Variants in CARS1 observed in about 807,000 individuals in gnomAD.
CARS1 encodes cysteinyl-tRNA synthetase 1.
CARS1 carries 48 observed loss-of-function variants against 106.2 expected under a neutral mutation model. The ratio of observed to expected loss-of-function variants is 0.45; its 90% CI spans 0.36 to 0.57. The LOEUF is 0.57. CARS1 is among the 20% of genes least tolerant of loss of function. The pLI, the probability that CARS1 is intolerant of heterozygous loss-of-function variation, is 0.00. For missense variants in CARS1, 968 were observed against 1,057.2 expected, an observed-to-expected ratio of 0.92 and a Z score of 1.17; for synonymous variants, 409 against 403.4, an observed-to-expected ratio of 1.01 and a Z score of -0.17.
chr11:3,030,419 C>T lies in CARS1; in HGVS notation c.802-976G>A, dbSNP rs1852604802. On this transcript the variant is annotated intron_variant, in intron 7 of 22. Transcript: ENST00000380525. The surrounding 1 kb of genome is among the most constrained non-coding windows in gnomAD (Gnocchi z 5.7). ...TCTGCAGGAATGAGCACACCCTCCC[C>T]ACCGCGGCAGGGCATCCAGTGGGCA... 1.3e-5 allele frequency: 2 copies of T among 152,238 alleles called. No individual in the cohort carries two copies. The highest frequency in any genetic ancestry group is 4.8e-5 in the African/African-American group (2 of 41,468). The allele number at this position is 152,238 out of a possible 1,614,324, so 9.4% of individuals were successfully genotyped here. A position where few individuals can be genotyped will look rare whatever the true frequency, so the allele number is the denominator to read the frequency against.
At chr11:3,035,058 C>T (rs1590461379) in intron 7 of CARS1, among the ~76,000 whole-genome samples, 2 of 152,200 alleles carry the variant, frequency 1.3e-5, no homozygotes, top group South Asian at 4.2e-4. Flanking sequence ...TGTGATAACC[C>T]ATTAATCCAT....
rs1055569905 is a variant in CARS1 at position 3,002,401 on chromosome 11, G to A, written c.2277+140C>T. On this transcript the variant is annotated intron_variant, in intron 21 of 22. Coordinates refer to ENST00000380525, the MANE Select transcript of CARS1 (RefSeq NM_001014437.3). ...AAGGGCCTGGCAGGCCTTGGGTGGT[G>A]GAGGCAGAAAGCGGAGCTCCTTCTG... The A allele has an allele frequency of 2.0e-6, 3 of 1,475,174 alleles. No homozygotes were observed. In the East Asian group the frequency reaches 6.8e-5, roughly 33 times the overall value. 91.4% of individuals were successfully genotyped at this position (1,475,174 alleles called of 1,614,324 possible).
In CARS1 at chr11:3,020,705, C is replaced by A. The variant is rs1851494044; in HGVS notation, c.1154-373G>T. 1.3e-5 allele frequency among the ~76,000 whole-genome samples: 2 copies of A among 152,276 alleles called. No homozygotes were observed. The highest frequency in any genetic ancestry group is 4.2e-4 in the South Asian group (2 of 4,818). ...CTAGGAGGTGACATAGTGGTGCAGC[C>A]ACTGGGGCATGGCTCAGGGATCCTG... On this transcript the variant is annotated intron_variant, in intron 10 of 22. Coordinates refer to ENST00000380525, the MANE Select transcript of CARS1 (RefSeq NM_001014437.3). This position sits in a 1 kb window ranked among gnomAD's most constrained non-coding sequence, Gnocchi z 4.6.
At position 3,057,380 on chromosome 11, in the gene CARS1, C is replaced by G; in HGVS notation, c.-13G>C. ...AGGAATCTGCCATGGCTGGGAATCC[C>G]GGACCCGCAGCTGCGGCTACAGACA... On this transcript the variant is annotated 5_prime_UTR_variant, in exon 1 of 23. Coordinates refer to ENST00000380525, the MANE Select transcript of CARS1 (RefSeq NM_001014437.3). The G allele has an allele frequency of 1.9e-6, 3 of 1,609,444 alleles. No homozygotes were observed. Among genetic ancestry groups the G allele is most frequent in the Non-Finnish European group, 1.7e-6 (2 of 1,178,188 alleles).
In CARS1 at chr11:3,022,549, C is replaced by G. The variant is rs1851662812; in HGVS notation, c.1154-2217G>C. On this transcript the variant is annotated intron_variant, in intron 10 of 22. Coordinates refer to ENST00000380525, the MANE Select transcript of CARS1 (RefSeq NM_001014437.3). The surrounding 1 kb of genome is among the most constrained non-coding windows in gnomAD (Gnocchi z 4.9). ...TACTGACTCGCTGTGCATTGGGCAA[C>G]AGACCTATTATGGTTACAACACAAT... Among the ~76,000 whole-genome samples, 1 of 152,236 alleles carries G rather than the reference C, an allele frequency of 6.6e-6. No homozygotes were observed. Among genetic ancestry groups the G allele is most frequent in the South Asian group, 2.1e-4 (1 of 4,836 alleles).
intron 16 of CARS1, 146 bp downstream of exon 16, chr11:3,016,960 G>T (rs943952454): frequency 2.1e-5 from 13 of 627,956 alleles, no homozygotes; most frequent in African/African-American, 1.8e-4. Flanking sequence ...AACCAAAGAG[G>T]ACAGAAGCAT....
rs763409945 is a variant in CARS1, at chr11:3,039,170, T to C, written c.651+24A>G. On this transcript the variant is annotated intron_variant, in intron 6 of 22. Coordinates refer to ENST00000380525, the MANE Select transcript of CARS1 (RefSeq NM_001014437.3). This position sits in a 1 kb window ranked among gnomAD's most constrained non-coding sequence, Gnocchi z 5.6. ...AACAGAAAGCAAAGGGCTCGGTTTC[T>C]AGAGCAGACAGCAAGAGGCCCACCT... is the stretch of plus-strand genomic sequence containing the variant. The C allele has an allele frequency of 1.1e-5, 17 of 1,505,810 alleles. No individual in the cohort carries two copies. The South Asian group carries it at 1.8e-4, about 16-fold the overall frequency. 93.3% of individuals were successfully genotyped at this position (1,505,810 alleles called of 1,614,324 possible).
rs1855046109 is a variant in CARS1 at position 3,046,083 on chromosome 11, T to G, written c.274+1670A>C. On this transcript the variant is annotated intron_variant, in intron 2 of 22. Transcript: ENST00000380525. The surrounding 1 kb of genome is among the most constrained non-coding windows in gnomAD (Gnocchi z 5.8). ...TGCGCAGCCTGGGTGATGAGGGGAT[T>G]TGGAACCTGGGGAGGGCACAGCAAC... Among the ~76,000 whole-genome samples the G allele has an allele frequency of 6.6e-6, 1 of 152,188 alleles. No homozygotes were observed. Among genetic ancestry groups the G allele is most frequent in the African/African-American group, 2.4e-5 (1 of 41,442 alleles).
Position 3,040,827 on chromosome 11 carries a change from T to C in CARS1, c.455+69A>G. Reference sequence around the variant, plus strand: ...CTTTGTGGACCTAAGATCGCTGCTGTGGATCCCAATGGCTCTGACTTCTGC... The same window carrying C: ...CTTTGTGGACCTAAGATCGCTGCTGCGGATCCCAATGGCTCTGACTTCTGC... On this transcript the variant is annotated intron_variant, in intron 4 of 22. Coordinates refer to ENST00000380525, the MANE Select transcript of CARS1 (RefSeq NM_001014437.3). This position sits in a 1 kb window ranked among gnomAD's most constrained non-coding sequence, Gnocchi z 5.8. 7 of 1,541,480 alleles carry C rather than the reference T, an allele frequency of 4.5e-6. No individual in the cohort carries two copies. Among genetic ancestry groups the C allele is most frequent in the Non-Finnish European group, 6.2e-6 (7 of 1,128,478 alleles).
At chr11:3,014,308 C>T (rs1253331429) in intron 17 of CARS1, among the ~76,000 whole-genome samples, 1 of 152,244 alleles carries the variant, frequency 6.6e-6, no homozygotes, top group Non-Finnish European at 1.5e-5. Flanking sequence ...GAGGAACTGC[C>T]TCCCTTGCTC....
rs389285 is a variant in CARS1 at position 3,041,443 on chromosome 11, G to A, written c.367-459C>T. Reference sequence around the variant, plus strand: ...CAACACTTGGCCAGGGTCAGTCCCTGTTGGGGGAGCGCGGCTTGGAGGCCA... The same window carrying A: ...CAACACTTGGCCAGGGTCAGTCCCTATTGGGGGAGCGCGGCTTGGAGGCCA... On this transcript the variant is annotated intron_variant, in intron 3 of 22. Transcript: ENST00000380525. The surrounding 1 kb of genome is among the most constrained non-coding windows in gnomAD (Gnocchi z 4.9). Among the ~76,000 whole-genome samples, 58,219 of 151,972 alleles carry A rather than the reference G, an allele frequency of 0.38. 11,463 individuals carry two copies. Among genetic ancestry groups the A allele is most frequent in the Non-Finnish European group, 0.4 (27,186 of 67,952 alleles).
intron 1 of CARS1, among the ~76,000 whole-genome samples, chr11:3,054,457 T>C (rs933233227): frequency 3.3e-5 from 5 of 152,200 alleles, no homozygotes; most frequent in African/African-American, 1.2e-4. Context: ...CCTGAGTTCA[T>C]AGAGGAGCAA....
chr11:3,000,988 T>C lies in CARS1; in HGVS notation c.*126A>G. On this transcript the variant is annotated 3_prime_UTR_variant, in exon 23 of 23. Transcript: ENST00000380525. The surrounding 1 kb of genome is among the most constrained non-coding windows in gnomAD (Gnocchi z 7.1). ...GAGCCAACGACGACACGAACCTACA[T>C]GAACACAACTCTTAATTTAGGACCC... 9.1e-7 allele frequency: 1 copy of C among 1,095,162 alleles called. No homozygotes were observed. Among genetic ancestry groups the C allele is most frequent in the Non-Finnish European group, 1.3e-6 (1 of 751,978 alleles). The allele number at this position is 1,095,162 out of a possible 1,614,324, so 67.8% of individuals were successfully genotyped here.
rs1854791145 is a variant in CARS1 at position 3,043,813 on chromosome 11, G to C, written c.275-1557C>G. Among the ~76,000 whole-genome samples, 1 of 152,164 alleles carries C rather than the reference G, an allele frequency of 6.6e-6. No homozygotes were observed. The highest frequency in any genetic ancestry group is 1.5e-5 in the Non-Finnish European group (1 of 68,036). ...GGAGGAAGGAGGGCGGCTGCACTGT[G>C]TCTGGGCAGTGGGGGTACTGTGGGC... On this transcript the variant is annotated intron_variant, in intron 2 of 22. Coordinates refer to ENST00000380525, the MANE Select transcript of CARS1 (RefSeq NM_001014437.3). This position sits in a 1 kb window ranked among gnomAD's most constrained non-coding sequence, Gnocchi z 4.0.
rs769057762 is a variant in CARS1 at position 3,001,962 on chromosome 11, A to G, written c.2361+8T>C. ...CTGAATAGAAGAGAAGGATGCTTAC[A>G]TGCTTACATTTTCATCAAACTTGGA... On this transcript the variant is annotated splice_region_variant and intron_variant, in intron 22 of 22. Transcript: ENST00000380525. The G allele has an allele frequency of 1.9e-6, 3 of 1,598,704 alleles. No individual in the cohort carries two copies. The highest frequency in any genetic ancestry group is 1.7e-5 in the Admixed American group (1 of 60,006).
At chr11:3,049,999 T>G (rs1300806646) in intron 1 of CARS1, among the ~76,000 whole-genome samples, 1 of 152,190 alleles carries the variant, frequency 6.6e-6, no homozygotes, top group African/African-American at 2.4e-5. Flanking sequence ...TGAGTCAGAA[T>G]GGAGTGCACA....
rs776098895 is a variant in CARS1, at chr11:3,018,650, T to C, written c.1495A>G (p.Thr499Ala). The C allele has an allele frequency of 3.5e-5, 56 of 1,614,016 alleles. No homozygotes were observed. Among genetic ancestry groups the C allele is most frequent in the Admixed American group, 1.7e-4 (10 of 60,004 alleles). Residue 499 changes from threonine to alanine, a missense_variant, in exon 13 of 23, where the codon ACC (threonine) becomes GCC (alanine). Transcript: ENST00000380525. ...TGCTTTTTCAAGGCATCTTTAATGG[T>C]GATGAAGTTTTTTAGTGACTTTGAC... The part of the protein sequence containing the change: ...KMSKSLKNFI[T>A]IKDALKKHSA...
chr11:3,042,315 C>CGA, intron 2 of CARS1, 59 bp from the exon 3 acceptor site: 1 of 1,260,996 alleles, frequency 7.9e-7, no homozygotes. Context: ...GTGCAAGTCG[C>CGA]CTCTTCACCT....
chr11:3,019,286 A>C lies in CARS1; in HGVS notation c.1267-19T>G, dbSNP rs770961949. On this transcript the variant is annotated intron_variant, in intron 11 of 22. Transcript: ENST00000380525. This position sits in a 1 kb window ranked among gnomAD's most constrained non-coding sequence, Gnocchi z 6.2. ...GACGACCCTGGAGAAAGCCGAACAC[A>C]CAGTGACTGACCAGCCTACCCGCTT... 7.2e-7 allele frequency: 1 copy of C among 1,390,970 alleles called. No individual in the cohort carries two copies. Among genetic ancestry groups the C allele is most frequent in the Non-Finnish European group, 9.4e-7 (1 of 1,063,702 alleles). 86.2% of individuals were successfully genotyped at this position (1,390,970 alleles called of 1,614,324 possible).
Sources: gnomAD v4.1 joint callset for allele counts (sites outside exome capture counted in the v4.1 genomes callset) on GRCh38, gnomAD v4.1.1 for gene constraint, Gnocchi (gnomAD v3.1) non-coding constraint, MANE v1.5 for transcripts, NCBI Gene and HGNC (gene_info 2026-07-23, HGNC 2026-07-21) for gene names.